The following MEF2B variants were observed in gnomAD, a reference collection of about 807,000 sequenced individuals.
MEF2B encodes myocyte-specific enhancer factor 2B.
Under a neutral mutation model 32.2 loss-of-function variants are expected in MEF2B, and 15 were observed. The ratio of observed to expected loss-of-function variants is 0.47; its 90% CI spans 0.31 to 0.72. The LOEUF (loss-of-function observed/expected upper bound fraction) is 0.72. Among genes scored for constraint, MEF2B ranks in the 30% least tolerant of loss-of-function variants. The pLI is 0.05. For missense variants in MEF2B, 441 were observed against 511.5 expected, an observed-to-expected ratio of 0.86 and a Z score of 1.33; for synonymous variants, 205 against 225.6, an observed-to-expected ratio of 0.91 and a Z score of 0.82.
chr19:19,156,138 T>C (rs1440013185), intron 1 of MEF2B, among the ~76,000 whole-genome samples: 1 of 152,174 alleles, frequency 6.6e-6, no homozygotes, highest in Non-Finnish European at 1.5e-5. Flanking sequence ...ACCCTCATAC[T>C]TAGCGTTTAT....
chr19:19,167,133 C>T, intron 1 of MEF2B, among the ~76,000 whole-genome samples: 1 of 151,922 alleles, frequency 6.6e-6, no homozygotes, highest in Non-Finnish European at 1.5e-5. Flanking sequence ...GGTGGATCAC[C>T]TGTGATCAGG....
At chr19:19,161,286 T>C (rs564287155) in intron 1 of MEF2B, among the ~76,000 whole-genome samples, 32 of 151,944 alleles carry the variant, frequency 2.1e-4, no homozygotes, top group Admixed American at 1.7e-3. Flanking sequence ...CAGGGGCGGA[T>C]GGGGTTGGGG....
rs750363935 is a variant in MEF2B at position 19,150,727 on chromosome 19, C to T, written c.9G>A (p.Arg3=). 3.7e-6 allele frequency: 6 copies of T among 1,613,910 alleles called. No homozygotes were observed. In the African/African-American group the frequency reaches 8.0e-5, roughly 22 times the overall value. The change falls in exon 2 of 9, where the codon AGG becomes AGA. Residue 3 remains arginine (R), a synonymous_variant. Transcript: ENST00000424583. ...GGATGCGGGAGATCTGGATTTTTTT[C>T]CTCCCCATCGTCCCAGGCTGAGTGG... MG[R]KKIQISRILD...
At chr19:19,165,007 G>T (rs1428482523) in intron 1 of MEF2B, among the ~76,000 whole-genome samples, 1 of 152,182 alleles carries the variant, frequency 6.6e-6, no homozygotes, top group East Asian at 1.9e-4. Flanking sequence ...GGGCAGAAGG[G>T]ACCCTGCCCA....
At chr19:19,159,685 G>A (rs2060144949) in intron 1 of MEF2B, among the ~76,000 whole-genome samples, 2 of 152,054 alleles carry the variant, frequency 1.3e-5, no homozygotes, top group Non-Finnish European at 1.5e-5. Flanking sequence ...TCAGGAGTGC[G>A]GAAGCATCAG....
At chr19:19,162,464 C>T (rs2060171921) in intron 1 of MEF2B, among the ~76,000 whole-genome samples, 1 of 152,184 alleles carries the variant, frequency 6.6e-6, no homozygotes, top group Admixed American at 6.6e-5. Context: ...TGCTCTCCAC[C>T]CACCAGGGGT....
rs778357332 is a variant in MEF2B at position 19,145,764 on chromosome 19, G to A, written c.*33C>T. 281 of 1,555,232 alleles carry A rather than the reference G, an allele frequency of 1.8e-4. No homozygotes were observed. Among genetic ancestry groups the A allele is most frequent in the Non-Finnish European group, 1.7e-4 (198 of 1,149,708 alleles). ...CCCACGTGCCCTCGCCGTACCTGGC[G>A]AGCGCTCTGGGCTGGTGCCACCGGG... is the stretch of plus-strand genomic sequence containing the variant. On this transcript the variant is annotated 3_prime_UTR_variant, in exon 9 of 9. Transcript: ENST00000424583. This position sits in a 1 kb window ranked among gnomAD's most constrained non-coding sequence, Gnocchi z 4.6.
chr19:19,167,118 A>C (rs932168277), intron 1 of MEF2B, among the ~76,000 whole-genome samples: 11 of 152,138 alleles, frequency 7.2e-5, no homozygotes, highest in Non-Finnish European at 1.3e-4. Flanking sequence ...TGGGAGGCCA[A>C]GGCAGGTGGA....
chr19:19,168,319 G>C (rs1251681925), intron 1 of MEF2B, among the ~76,000 whole-genome samples: 2 of 145,422 alleles, frequency 1.4e-5, no homozygotes, highest in Admixed American at 1.4e-4. Context: ...TGTTGCCCAG[G>C]CTGGAGTGCA....
chr19:19,152,114 C>T (rs907376219), intron 1 of MEF2B, among the ~76,000 whole-genome samples: 2 of 151,918 alleles, frequency 1.3e-5, no homozygotes, highest in African/African-American at 4.8e-5. Context: ...GTGCCCTCCA[C>T]TATGCCCAGC....
chr19:19,167,350 C>CAAAA (rs34446494), intron 1 of MEF2B, among the ~76,000 whole-genome samples: 15 of 98,538 alleles, frequency 1.5e-4, no homozygotes, highest in African/African-American at 5.7e-4. Context: ...GACTCTGTCT[C>CAAAA]AAAAAAAAAA....
intron 1 of MEF2B, among the ~76,000 whole-genome samples, chr19:19,163,402 G>A (rs1201316815): frequency 6.6e-6 from 1 of 151,996 alleles, no homozygotes; most frequent in Admixed American, 6.6e-5. Flanking sequence ...CTGCTGCCTC[G>A]GTCTTCCATA....
At chr19:19,148,213 C>T (rs914190489) in intron 3 of MEF2B, among the ~76,000 whole-genome samples, 15 of 152,238 alleles carry the variant, frequency 9.9e-5, no homozygotes, top group African/African-American at 2.7e-4. Context: ...CCTACAATCC[C>T]GGCACTTTGG....
chr19:19,151,398 A>G (rs1298659573), intron 1 of MEF2B, among the ~76,000 whole-genome samples: 1 of 152,006 alleles, frequency 6.6e-6, no homozygotes, highest in Non-Finnish European at 1.5e-5. Flanking sequence ...CCTGTACCCC[A>G]CTCAAGGAGA....
At chr19:19,151,633 A>G (rs1330095535) in intron 1 of MEF2B, among the ~76,000 whole-genome samples, 1 of 152,102 alleles carries the variant, frequency 6.6e-6, no homozygotes, top group Non-Finnish European at 1.5e-5. Context: ...CTACCATGTC[A>G]CAGGTGACTG....
intron 1 of MEF2B, among the ~76,000 whole-genome samples, chr19:19,154,407 C>T (rs1052440534): frequency 2.0e-5 from 3 of 152,106 alleles, no homozygotes; most frequent in African/African-American, 7.2e-5. Context: ...CATGATCCGC[C>T]CGCCTTGGCC....
At chr19:19,166,909 A>G (rs2060213232) in intron 1 of MEF2B, among the ~76,000 whole-genome samples, 1 of 151,988 alleles carries the variant, frequency 6.6e-6, no homozygotes, top group South Asian at 2.1e-4. Context: ...ATAAATAAAT[A>G]AATAAATAAG....
intron 1 of MEF2B, among the ~76,000 whole-genome samples, chr19:19,156,382 G>A (rs1467332511): frequency 1.3e-5 from 2 of 151,490 alleles, no homozygotes; most frequent in Admixed American, 1.3e-4. Context: ...AACATAGCGA[G>A]ACCCCTATCT....
intron 1 of MEF2B, among the ~76,000 whole-genome samples, chr19:19,156,675 G>T (rs928292108): frequency 5.3e-5 from 8 of 152,036 alleles, no homozygotes; most frequent in African/African-American, 1.9e-4. Context: ...TTTTTGAGAT[G>T]GGGTCTTCCT....
Sources: gnomAD v4.1 joint callset for allele counts (sites outside exome capture counted in the v4.1 genomes callset) on GRCh38, gnomAD v4.1.1 for gene constraint, Gnocchi (gnomAD v3.1) non-coding constraint, MANE v1.5 for transcripts, NCBI Gene and HGNC (gene_info 2026-07-23, HGNC 2026-07-21) for gene names.